DAGLA: variants seen among roughly 807,000 people sequenced by gnomAD.
DAGLA encodes the protein diacylglycerol lipase-alpha.
A neutral mutation model predicts 102.6 loss-of-function variants in DAGLA; 22 were observed. The ratio of observed to expected loss-of-function variants is 0.21; its 90% CI spans 0.15 to 0.31. The LOEUF (loss-of-function observed/expected upper bound fraction) is 0.31. DAGLA is among the 10% of genes least tolerant of loss of function. The probability of loss-of-function intolerance (pLI) is 1.00; values close to 1 mark genes in which losing one functional copy is unlikely to be tolerated. For missense variants in DAGLA, 927 were observed against 1,446.6 expected, an observed-to-expected ratio of 0.64 and a Z score of 5.83; for synonymous variants, 578 against 628.9, an observed-to-expected ratio of 0.92 and a Z score of 1.21.
chr11:61,729,814 T>C (rs1008750785), intron 8 of DAGLA, among the ~76,000 whole-genome samples: 3 of 151,940 alleles, frequency 2.0e-5, no homozygotes, highest in Non-Finnish European at 4.4e-5. Context: ...GCCTTGTGCC[T>C]GCAATCCCAG....
At chr11:61,742,786 T>TCCTCCTTCCCTCCCTC (rs1455052139) in intron 19 of DAGLA, among the ~76,000 whole-genome samples, 3 of 124,126 alleles carry the variant, frequency 2.4e-5, no homozygotes, top group Admixed American at 1.7e-4. Flanking sequence ...CTCCCTCCCT[T>TCCTCCTTCCCTCCCTC]CCTCCTTCCC....
intron 1 of DAGLA, among the ~76,000 whole-genome samples, chr11:61,709,507 A>G (rs1343339471): frequency 6.6e-6 from 1 of 152,140 alleles, no homozygotes; most frequent in Admixed American, 6.5e-5. Context: ...TGTGGTTGAC[A>G]TTGCCTGCAA....
intron 12 of DAGLA, 25 bp downstream of exon 12, chr11:61,735,841 G>T: frequency 6.3e-7 from 1 of 1,586,720 alleles, no homozygotes. Context: ...GGACCCCAGG[G>T]CCCCTGGGCT....
chr11:61,730,275 G>A (rs1318817473), intron 8 of DAGLA, among the ~76,000 whole-genome samples: 1 of 151,890 alleles, frequency 6.6e-6, no homozygotes, highest in African/African-American at 2.4e-5. Flanking sequence ...AGCGGGGAGG[G>A]CAGGCAGCTG....
chr11:61,711,879 T>G (rs1158286959), intron 1 of DAGLA, among the ~76,000 whole-genome samples: 1 of 152,244 alleles, frequency 6.6e-6, no homozygotes, highest in African/African-American at 2.4e-5. Context: ...TTAGCCTCTC[T>G]GGGCCTCCAT....
chr11:61,720,298 T>A, intron 2 of DAGLA, 48 bp downstream of exon 2: 10 of 1,564,536 alleles, frequency 6.4e-6, no homozygotes, highest in Non-Finnish European at 8.8e-6. Context: ...GAGAGAAAGG[T>A]CTGGAAGGAC....
At chr11:61,723,818 C>CT (rs1173936941) in intron 5 of DAGLA, among the ~76,000 whole-genome samples, 4 of 152,238 alleles carry the variant, frequency 2.6e-5, no homozygotes, top group African/African-American at 9.6e-5. Context: ...TGCAGAGTGA[C>CT]TAACACAGTG....
chr11:61,718,852 C>T (rs1325648603), intron 1 of DAGLA, among the ~76,000 whole-genome samples: 2 of 152,210 alleles, frequency 1.3e-5, no homozygotes, highest in Admixed American at 6.5e-5. Flanking sequence ...CCTGGCCCCA[C>T]GCCCTCTCGC....
At chr11:61,690,265 C>T (rs574759920) in intron 1 of DAGLA, among the ~76,000 whole-genome samples, 80 of 152,312 alleles carry the variant, frequency 5.3e-4, no homozygotes, top group African/African-American at 1.7e-3. Flanking sequence ...GGGGCCAGAC[C>T]GTGGAGCAGA....
At chr11:61,733,860 G>A (rs1431681596) in intron 9 of DAGLA, among the ~76,000 whole-genome samples, 1 of 152,176 alleles carries the variant, frequency 6.6e-6, no homozygotes, top group Non-Finnish European at 1.5e-5. Context: ...AGTGCTGGGG[G>A]CCTGGGGAGC....
At chr11:61,742,289 A>AG (rs977043725) in intron 19 of DAGLA, among the ~76,000 whole-genome samples, 1 of 152,076 alleles carries the variant, frequency 6.6e-6, no homozygotes, top group African/African-American at 2.4e-5. Flanking sequence ...ACACTCTTTG[A>AG]GGGGTGCGAG....
At position 61,743,517 on chromosome 11, in the gene DAGLA, C is replaced by T. The variant is rs985685787; in HGVS notation, c.2172-15C>T. On this transcript the variant is annotated splice_polypyrimidine_tract_variant and intron_variant, in intron 19 of 19. Coordinates refer to ENST00000257215, the MANE Select transcript of DAGLA (RefSeq NM_006133.3). ...TTCTGAGTCTTATACCCCCTGCTCT[C>T]CTCTCCCTCTGCAGGAGCAAGTCCC... 17 of 1,505,298 alleles carry T rather than the reference C, an allele frequency of 1.1e-5. No homozygotes were observed. The highest frequency in any genetic ancestry group is 1.3e-5 in the Non-Finnish European group (15 of 1,133,626). 93.2% of individuals were successfully genotyped at this position (1,505,298 alleles called of 1,614,324 possible).
At chr11:61,711,231 G>A (rs1052281846) in intron 1 of DAGLA, among the ~76,000 whole-genome samples, 1 of 152,128 alleles carries the variant, frequency 6.6e-6, no homozygotes, top group South Asian at 2.1e-4. Flanking sequence ...GGGCGGTGTC[G>A]GCCTTTGCGT....
In DAGLA at chr11:61,726,015, A is replaced by G; in HGVS notation, c.569A>G (p.Gln190Arg). The change falls in exon 6 of 20, where the codon CAA becomes CGA. Residue 190 changes from glutamine (Q) to arginine (R), a missense_variant. Gln to Arg is a conservative substitution (Grantham distance 43, BLOSUM62 1). Around this residue, in one of 4 missense-constraint regions of DAGLA, gnomAD observed 231 missense variants for 439.8 expected, o/e 0.53. Transcript: ENST00000257215. ...TGCAGGCACCGCTTAGAGGAGGGTC[A>G]AGCCACCAGCTGGTCGCGCCGGCTC... The part of the protein sequence containing the change: ...YNLRHRLEEG[Q>R]ATSWSRRLKV... 12 of 1,613,670 alleles carry G rather than the reference A, an allele frequency of 7.4e-6. No individual in the cohort carries two copies. The highest frequency in any genetic ancestry group is 1.0e-5 in the Non-Finnish European group (12 of 1,180,030).
Position 61,682,855 on chromosome 11 carries a change from G to GC in DAGLA, c.-45+2351_-45+2352insC, listed in dbSNP as rs1238580540. 4.9e-3 allele frequency among the ~76,000 whole-genome samples: 743 copies of GC among 151,830 alleles called. 6 individuals are homozygous for GC. The highest frequency in any genetic ancestry group is 8.8e-3 in the Non-Finnish European group (595 of 67,902). Reference sequence around the variant, plus strand: ...TGAGGCTGGATGGCAGGGGGACGGGGGGGGGAGGTGTGGAGGATGCCCTCA... The same window carrying GC: ...TGAGGCTGGATGGCAGGGGGACGGGGCGGGGGAGGTGTGGAGGATGCCCTCA... On this transcript the variant is annotated intron_variant, in intron 1 of 19. Transcript: ENST00000257215.
At position 61,743,945 on chromosome 11, in the gene DAGLA, G is replaced by A; in HGVS notation, c.2585G>A (p.Ser862Asn). The change falls in exon 20 of 20, where the codon AGT becomes AAT. Residue 862 changes from serine (S) to asparagine (N), a missense_variant. By Grantham distance (46) the Ser-to-Asn change is conservative. Coordinates refer to ENST00000257215, the MANE Select transcript of DAGLA (RefSeq NM_006133.3). ...CAGCCCCTGGAGGCGGCCCTGGGCA[G>A]TGGCGGCGTCACTCCTGAGCGGCCC... ...DTQPLEAALG[S>N]GGVTPERPPS... 2 of 1,611,998 alleles carry A rather than the reference G, an allele frequency of 1.2e-6. No individual in the cohort carries two copies. The highest frequency in any genetic ancestry group is 1.7e-6 in the Non-Finnish European group (2 of 1,179,700).
In DAGLA at chr11:61,734,783, G is replaced by A; in HGVS notation, c.975-66G>A. 1.3e-6 allele frequency: 2 copies of A among 1,500,404 alleles called. No individual in the cohort carries two copies. Among genetic ancestry groups the A allele is most frequent in the Non-Finnish European group, 1.8e-6 (2 of 1,094,704 alleles). The allele number at this position is 1,500,404 out of a possible 1,614,324, so 92.9% of individuals were successfully genotyped here. On this transcript the variant is annotated intron_variant, in intron 9 of 19. Transcript: ENST00000257215. The surrounding 1 kb of genome is among the most constrained non-coding windows in gnomAD (Gnocchi z 4.2). ...CCAACTGGAACTGGTTCCAGGGACA[G>A]TGGCAGGAGACATTTGTTCCCTCGG...
At chr11:61,698,415 G>A (rs2065083182) in intron 1 of DAGLA, among the ~76,000 whole-genome samples, 1 of 152,196 alleles carries the variant, frequency 6.6e-6, no homozygotes, top group Non-Finnish European at 1.5e-5. Flanking sequence ...CTGCAGTTCC[G>A]GTGCACTTCC....
rs1274199388 is a variant in DAGLA, at chr11:61,743,518, C to T, written c.2172-14C>T. The T allele has an allele frequency of 1.3e-6, 2 of 1,505,658 alleles. No homozygotes were observed. The highest frequency in any genetic ancestry group is 4.5e-5 in the East Asian group (2 of 43,978). The allele number at this position is 1,505,658 out of a possible 1,614,324, so 93.3% of individuals were successfully genotyped here. A position where few individuals can be genotyped will look rare whatever the true frequency, so the allele number is the denominator to read the frequency against. On this transcript the variant is annotated splice_polypyrimidine_tract_variant and intron_variant, in intron 19 of 19. Transcript: ENST00000257215. Reference sequence around the variant, plus strand: ...TCTGAGTCTTATACCCCCTGCTCTCCTCTCCCTCTGCAGGAGCAAGTCCCA... The same window carrying T: ...TCTGAGTCTTATACCCCCTGCTCTCTTCTCCCTCTGCAGGAGCAAGTCCCA...
Sources: gnomAD v4.1 joint callset for allele counts (sites outside exome capture counted in the v4.1 genomes callset) on GRCh38, gnomAD v4.1.1 for gene constraint, gnomAD v4.1.1 regional missense constraint, Gnocchi (gnomAD v3.1) non-coding constraint, MANE v1.5 for transcripts, NCBI Gene and HGNC (gene_info 2026-07-23, HGNC 2026-07-21) for gene names.